The following BCL2 variants were observed in gnomAD, a reference collection of about 807,000 sequenced individuals.
The protein encoded by BCL2 is BCL2 apoptosis regulator, also known as apoptosis regulator Bcl-2.
BCL2 carries 1 observed loss-of-function variant against 14.2 expected under a neutral mutation model. The ratio of observed to expected loss-of-function variants is 0.07; its 90% CI spans 0.02 to 0.33. BCL2 has a LOEUF of 0.33. Among genes scored for constraint, BCL2 ranks in the 10% least tolerant of loss-of-function variants. The pLI, the probability that BCL2 is intolerant of heterozygous loss-of-function variation, is 0.99. For missense variants in BCL2, 247 were observed against 305.9 expected, an observed-to-expected ratio of 0.81 and a Z score of 1.44; for synonymous variants, 151 against 137.2, an observed-to-expected ratio of 1.10 and a Z score of -0.70.
At chr18:63,169,341 CTTTCTTT>C (rs1915151650) in intron 2 of BCL2, among the ~76,000 whole-genome samples, 1 of 50,348 alleles carries the variant, frequency 2.0e-5, no homozygotes, top group Admixed American at 2.5e-4. Context: ...TCCTTCCTTT[CTTTCTTT>C]CTTTCTTTCT....
chr18:63,305,241 CAGTAG>C (rs1299694357), intron 2 of BCL2, among the ~76,000 whole-genome samples: 1 of 152,198 alleles, frequency 6.6e-6, no homozygotes, highest in African/African-American at 2.4e-5. Context: ...ACACAGAAAG[CAGTAG>C]AGTATACTAG....
chr18:63,193,109 A>T (rs968052815), intron 2 of BCL2, among the ~76,000 whole-genome samples: 1 of 152,206 alleles, frequency 6.6e-6, no homozygotes, highest in African/African-American at 2.4e-5. Context: ...AGCACATGTT[A>T]CTGTGGTCAT....
chr18:63,191,938 C>T lies in BCL2; in HGVS notation c.586-63179G>A, dbSNP rs145068264. On this transcript the variant is annotated intron_variant, in intron 2 of 2. Transcript: ENST00000333681. ...ATTATTAAAAAATAACCTACAAATACGTTTGTTACATTTAAATCATCTACA... is the reference window on the plus strand; with the variant it reads ...ATTATTAAAAAATAACCTACAAATATGTTTGTTACATTTAAATCATCTACA... Among the ~76,000 whole-genome samples, 360 of 152,300 alleles carry T rather than the reference C, an allele frequency of 2.4e-3. 3 individuals carry two copies. The highest frequency in any genetic ancestry group is 8.4e-3 in the African/African-American group (350 of 41,558).
At chr18:63,188,461 C>T (rs1028022268) in intron 2 of BCL2, among the ~76,000 whole-genome samples, 3 of 152,144 alleles carry the variant, frequency 2.0e-5, no homozygotes, top group Non-Finnish European at 4.4e-5. Flanking sequence ...TTATCTTCAA[C>T]ACTACTGAAG....
chr18:63,170,611 G>C (rs4940574), intron 2 of BCL2, among the ~76,000 whole-genome samples: 44,611 of 152,006 alleles, frequency 0.29, 8,959 homozygotes, highest in African/African-American at 0.54. Context: ...CCAGTAAATT[G>C]GGTCCCACTT....
At chr18:63,195,372 T>C (rs1206152277) in intron 2 of BCL2, among the ~76,000 whole-genome samples, 2 of 152,216 alleles carry the variant, frequency 1.3e-5, no homozygotes, top group South Asian at 2.1e-4. Flanking sequence ...AAAAGTTACA[T>C]GTGTAGAAAC....
At chr18:63,157,470 C>T (rs999631312) in intron 2 of BCL2, among the ~76,000 whole-genome samples, 3 of 152,332 alleles carry the variant, frequency 2.0e-5, no homozygotes, top group South Asian at 2.1e-4. Context: ...GAACCATGCA[C>T]GCGGCAGTTG....
At position 63,297,461 on chromosome 18, in the gene BCL2, G is replaced by A. The variant is rs192394079; in HGVS notation, c.585+20621C>T. Among the ~76,000 whole-genome samples, 9 of 152,218 alleles carry A rather than the reference G, an allele frequency of 5.9e-5. No individual in the cohort carries two copies. The East Asian group carries it at 1.7e-3, about 29-fold the overall frequency. On this transcript the variant is annotated intron_variant, in intron 2 of 2. Transcript: ENST00000333681. ...TCAATTCAGATTGGCCACATTACGT[G>A]AGCCTGGTAGCCACAGCCACGGCAC...
intron 2 of BCL2, among the ~76,000 whole-genome samples, chr18:63,243,078 C>G (rs932738448): frequency 1.3e-5 from 2 of 152,072 alleles, no homozygotes; most frequent in Admixed American, 6.5e-5. Context: ...GCACTACTCA[C>G]AATAGCAAAG....
chr18:63,139,567 C>G (rs548084905), intron 2 of BCL2, among the ~76,000 whole-genome samples: 2 of 152,310 alleles, frequency 1.3e-5, no homozygotes, highest in Admixed American at 1.3e-4. Flanking sequence ...TGTGTCTTGT[C>G]TGCAGGCCCA....
chr18:63,143,211 G>A (rs539406733), intron 2 of BCL2, among the ~76,000 whole-genome samples: 28 of 152,198 alleles, frequency 1.8e-4, no homozygotes, highest in Admixed American at 2.0e-4. Flanking sequence ...AGAGAGAAAC[G>A]GGAGACCCAG....
intron 2 of BCL2, among the ~76,000 whole-genome samples, chr18:63,263,935 C>T (rs1289900941): frequency 6.6e-6 from 1 of 152,184 alleles, no homozygotes; most frequent in Non-Finnish European, 1.5e-5. Flanking sequence ...AAGCGAATCT[C>T]ATTTTTGTAT....
intron 2 of BCL2, among the ~76,000 whole-genome samples, chr18:63,165,620 A>G (rs1434395453): frequency 6.6e-6 from 1 of 152,224 alleles, no homozygotes; most frequent in Non-Finnish European, 1.5e-5. Context: ...CCGGAAAAGG[A>G]GCCGTGGAGA....
intron 2 of BCL2, among the ~76,000 whole-genome samples, chr18:63,203,703 TAC>T (rs911574647): frequency 1.3e-3 from 191 of 152,080 alleles, no homozygotes; most frequent in African/African-American, 4.2e-3. Context: ...CACACACACA[TAC>T]ACACACATAA....
At chr18:63,275,725 C>T (rs1912133393) in intron 2 of BCL2, among the ~76,000 whole-genome samples, 1 of 152,210 alleles carries the variant, frequency 6.6e-6, no homozygotes, top group Non-Finnish European at 1.5e-5. Context: ...ATTCCAGTTA[C>T]AGGAAAGGCA....
At chr18:63,304,894 T>C (rs942939574) in intron 2 of BCL2, among the ~76,000 whole-genome samples, 11 of 152,212 alleles carry the variant, frequency 7.2e-5, no homozygotes, top group African/African-American at 2.7e-4. Flanking sequence ...AACAGCATGC[T>C]AACATAACAC....
intron 2 of BCL2, among the ~76,000 whole-genome samples, chr18:63,169,572 G>C (rs1915175886): frequency 6.8e-6 from 1 of 147,930 alleles, no homozygotes; most frequent in South Asian, 2.2e-4. Flanking sequence ...ACCCAGGCTG[G>C]AGTGCAGTGG....
chr18:63,222,649 G>A (rs1408429140), intron 2 of BCL2, among the ~76,000 whole-genome samples: 3 of 152,158 alleles, frequency 2.0e-5, no homozygotes, highest in African/African-American at 7.2e-5. Flanking sequence ...TCAGTGAACC[G>A]GAAGACAGCC....
intron 2 of BCL2, among the ~76,000 whole-genome samples, chr18:63,181,390 C>A (rs1915477633): frequency 6.6e-6 from 1 of 152,204 alleles, no homozygotes; most frequent in Non-Finnish European, 1.5e-5. Flanking sequence ...GTGAGCAACA[C>A]AGAATCTCTC....
Sources: gnomAD v4.1 joint callset for allele counts (sites outside exome capture counted in the v4.1 genomes callset) on GRCh38, gnomAD v4.1.1 for gene constraint, MANE v1.5 for transcripts, NCBI Gene and HGNC (gene_info 2026-07-23, HGNC 2026-07-21) for gene names.